Variants in CAMK1D observed in about 807,000 individuals in gnomAD.
CAMK1D encodes the protein calcium/calmodulin-dependent protein kinase type 1D.
Under a neutral mutation model 47.7 loss-of-function variants are expected in CAMK1D, and 9 were observed. The observed-to-expected ratio is 0.19, with a 90% CI of 0.11 to 0.33. The LOEUF (loss-of-function observed/expected upper bound fraction) is 0.33, where lower values mean the gene tolerates loss of function less well. Among genes scored for constraint, CAMK1D ranks in the 10% least tolerant of loss-of-function variants. CAMK1D has a pLI of 1.00. For missense variants in CAMK1D, 291 were observed against 488.7 expected, an observed-to-expected ratio of 0.60 and a Z score of 3.81; for synonymous variants, 184 against 184.9, an observed-to-expected ratio of 0.99 and a Z score of 0.04.
intron 1 of CAMK1D, among the ~76,000 whole-genome samples, chr10:12,435,368 G>A (rs1017249774): frequency 9.2e-5 from 14 of 151,882 alleles, no homozygotes; most frequent in Admixed American, 3.3e-4. Context: ...TGCTGCTTCC[G>A]TGGTTTTCTT....
In CAMK1D at chr10:12,520,530, G is replaced by A. The variant is rs113046121; in HGVS notation, c.93-32695G>A. 5.1e-3 allele frequency among the ~76,000 whole-genome samples: 273 copies of A among 53,878 alleles called. 4 individuals are homozygous for A. The highest frequency in any genetic ancestry group is 0.02 in the African/African-American group (258 of 13,084). 35.3% of individuals were successfully genotyped at this position (53,878 alleles called of 152,430 possible). On this transcript the variant is annotated intron_variant, in intron 1 of 10. Coordinates refer to ENST00000619168, the MANE Select transcript of CAMK1D (RefSeq NM_153498.4). The stretch of plus-strand genomic sequence containing the variant: ...CTCCTCACTTCCCAGACGGGGTGGC[G>A]GCCGGGCAGAGGCTGCAATCTCGGC...
chr10:12,497,705 T>C (rs1258054516), intron 1 of CAMK1D, among the ~76,000 whole-genome samples: 1 of 152,096 alleles, frequency 6.6e-6, no homozygotes, highest in Non-Finnish European at 1.5e-5. Context: ...TTCATGAAAA[T>C]TGACTAAAGC....
At chr10:12,806,158 G>A (rs1838722214) in intron 6 of CAMK1D, among the ~76,000 whole-genome samples, 1 of 152,300 alleles carries the variant, frequency 6.6e-6, no homozygotes, top group Non-Finnish European at 1.5e-5. Context: ...AGGATGCAAG[G>A]CTTCCCCTGA....
intron 2 of CAMK1D, among the ~76,000 whole-genome samples, chr10:12,591,721 T>TCTCG (rs2132363296): frequency 6.6e-6 from 1 of 152,234 alleles, no homozygotes; most frequent in East Asian, 1.9e-4. Context: ...TGAGACGGAG[T>TCTCG]CTCGCCCTGT....
chr10:12,387,445 TTATA>T lies in CAMK1D; in HGVS notation c.92+37552_92+37555del, dbSNP rs373637712. The stretch of plus-strand genomic sequence containing the variant: ...ATATATTTTATATATTATATATATT[TTATA>T]TATATATATATATATAGACATTGTA... On this transcript the variant is annotated intron_variant, in intron 1 of 10. Coordinates refer to ENST00000619168, the MANE Select transcript of CAMK1D (RefSeq NM_153498.4). 6.3e-3 allele frequency among the ~76,000 whole-genome samples: 421 copies of T among 66,650 alleles called. 15 individuals carry two copies. In the East Asian group the frequency reaches 0.087, roughly 14 times the overall value. 43.7% of individuals were successfully genotyped at this position (66,650 alleles called of 152,430 possible).
chr10:12,556,665 C>A (rs1353418477), intron 2 of CAMK1D, among the ~76,000 whole-genome samples: 2 of 152,172 alleles, frequency 1.3e-5, no homozygotes. Context: ...GGCCTGGAGA[C>A]ACCTAAGGTT....
Position 12,671,911 on chromosome 10 carries a change from C to CTT in CAMK1D, c.299+5122_299+5123dup, listed in dbSNP as rs773722384. ...TATACTAAGAAGTTATCACCTAATT[C>CTT]TTTTTTTTTTTTTTTTTTTTTTAAG... is the stretch of plus-strand genomic sequence containing the variant. On this transcript the variant is annotated intron_variant, in intron 3 of 10. Transcript: ENST00000619168. 1.9e-3 allele frequency among the ~76,000 whole-genome samples: 183 copies of CTT among 98,890 alleles called. 5 individuals are homozygous for CTT. Among genetic ancestry groups the CTT allele is most frequent in the African/African-American group, 5.9e-3 (155 of 26,380 alleles). 64.9% of individuals were successfully genotyped at this position (98,890 alleles called of 152,430 possible).
At chr10:12,512,918 CTTTG>C (rs1357636393) in intron 1 of CAMK1D, among the ~76,000 whole-genome samples, 2 of 152,310 alleles carry the variant, frequency 1.3e-5, no homozygotes. Flanking sequence ...AGCGAGCATA[CTTTG>C]TTTGACTTTG....
At chr10:12,783,471 C>G (rs1240797344) in intron 5 of CAMK1D, among the ~76,000 whole-genome samples, 1 of 152,038 alleles carries the variant, frequency 6.6e-6, no homozygotes. Context: ...CGTGGGCTTC[C>G]TAGGAGGCTA....
At chr10:12,517,964 AT>A (rs1835261005) in intron 1 of CAMK1D, among the ~76,000 whole-genome samples, 1 of 152,118 alleles carries the variant, frequency 6.6e-6, no homozygotes, top group African/African-American at 2.4e-5. Flanking sequence ...TAGAATTGGT[AT>A]TATTTTTTAC....
chr10:12,708,973 G>A (rs1286892208), intron 3 of CAMK1D, among the ~76,000 whole-genome samples: 3 of 152,226 alleles, frequency 2.0e-5, no homozygotes, highest in Non-Finnish European at 2.9e-5. Context: ...ATCCCAGTTC[G>A]AGTCTCAGCC....
Position 12,825,626 on chromosome 10 carries a change from C to A in CAMK1D, c.975C>A (p.Gly325=), listed in dbSNP as rs1833175809. The part of the protein sequence containing the change: ...VVRHMRKLHL[G]SSLDSSNASV... ...GACATATGAGAAAACTACACCTCGG[C>A]AGCAGCCTGGACAGTTCAAATGCAA... Residue 325 remains glycine (G), a synonymous_variant, in exon 10 of 11, where the codon GGC becomes GGA. Transcript: ENST00000619168. 1.9e-6 allele frequency: 3 copies of A among 1,614,144 alleles called. No homozygotes were observed. The highest frequency in any genetic ancestry group is 2.5e-6 in the Non-Finnish European group (3 of 1,180,004).
chr10:12,804,549 G>GATTGTACCA (rs1226902694), intron 6 of CAMK1D, among the ~76,000 whole-genome samples: 6 of 152,084 alleles, frequency 3.9e-5, no homozygotes, highest in Non-Finnish European at 7.3e-5. Context: ...AGGAGGTGGA[G>GATTGTACCA]ATTGTACCAT....
intron 2 of CAMK1D, among the ~76,000 whole-genome samples, chr10:12,592,278 A>T (rs1328429866): frequency 6.6e-6 from 1 of 152,246 alleles, no homozygotes; most frequent in Non-Finnish European, 1.5e-5. Context: ...TCCGGAATCC[A>T]TTCTTCTTTC....
intron 1 of CAMK1D, among the ~76,000 whole-genome samples, chr10:12,442,324 A>G (rs527532947): frequency 6.6e-6 from 1 of 152,306 alleles, no homozygotes; most frequent in South Asian, 2.1e-4. Context: ...TACTAAAAAT[A>G]CAAAAAATTA....
intron 1 of CAMK1D, among the ~76,000 whole-genome samples, chr10:12,415,264 T>C (rs1172439938): frequency 7.8e-6 from 1 of 127,836 alleles, no homozygotes; most frequent in East Asian, 2.3e-4. Context: ...TCTTGGAGTA[T>C]TTGCTGGTGA....
chr10:12,821,719 A>G (rs896946689), intron 8 of CAMK1D, among the ~76,000 whole-genome samples: 1 of 152,202 alleles, frequency 6.6e-6, no homozygotes, highest in Non-Finnish European at 1.5e-5. Context: ...TCATGCCTGT[A>G]ATCCCAGCAC....
At chr10:12,438,556 C>T (rs1431688317) in intron 1 of CAMK1D, among the ~76,000 whole-genome samples, 1 of 152,170 alleles carries the variant, frequency 6.6e-6, no homozygotes, top group Non-Finnish European at 1.5e-5. Context: ...TTTGAGGTCA[C>T]ATTCTTGTCT....
chr10:12,698,034 T>C (rs1239183414), intron 3 of CAMK1D, among the ~76,000 whole-genome samples: 1 of 152,216 alleles, frequency 6.6e-6, no homozygotes, highest in Non-Finnish European at 1.5e-5. Context: ...TTGGAATGGC[T>C]GCCATTTACT....
Sources: allele counts gnomAD v4.1 joint callset (sites outside exome capture counted in the v4.1 genomes callset), GRCh38; gene constraint gnomAD v4.1.1; transcripts MANE v1.5; gene names NCBI Gene and HGNC (gene_info 2026-07-23, HGNC 2026-07-21).